Variants in YWHAG observed in about 807,000 individuals in gnomAD.
YWHAG encodes the protein 14-3-3 protein gamma.
In YWHAG, 1 loss-of-function variant was observed where a neutral mutation model predicts 23.3. The observed-to-expected ratio is 0.04, with a 90% CI of 0.02 to 0.20. The LOEUF is 0.20. YWHAG is among the 10% of genes least tolerant of loss of function. The probability of loss-of-function intolerance (pLI) is 1.00; values close to 1 mark genes in which losing one functional copy is unlikely to be tolerated. For synonymous variants in YWHAG, 160 were observed against 144.0 expected (o/e 1.11, Z -0.80); for missense variants, 151 against 338.6 (o/e 0.45, Z 4.35).
At chr7:76,358,671 C>T (rs1477659214) in intron 1 of YWHAG, 51 bp downstream of exon 1, 2 of 1,518,168 alleles carry the variant, frequency 1.3e-6, no homozygotes, top group African/African-American at 2.8e-5. Flanking sequence ...ACGCCAAGGA[C>T]CGCGTCTTCG....
At position 76,358,825 on chromosome 7, in the gene YWHAG, C is replaced by T. The variant is rs375529222; in HGVS notation, c.-17G>A. 39 of 1,585,552 alleles carry T rather than the reference C, an allele frequency of 2.5e-5. No homozygotes were observed. The highest frequency in any genetic ancestry group is 3.3e-5 in the Non-Finnish European group (38 of 1,167,254). ...GTCCACCATCTTCGCGGGGCTGGGT[C>T]TGGCCGGAGAAGGAGGAGGACACTG... On this transcript the variant is annotated 5_prime_UTR_variant, in exon 1 of 2. Transcript: ENST00000307630.
At chr7:76,357,951 T>A (rs1421445629) in intron 1 of YWHAG, among the ~76,000 whole-genome samples, 2 of 152,188 alleles carry the variant, frequency 1.3e-5, no homozygotes, top group Non-Finnish European at 2.9e-5. Flanking sequence ...CCTTTTAATT[T>A]TACAGGCAAT....
intron 1 of YWHAG, among the ~76,000 whole-genome samples, chr7:76,343,086 A>C (rs565373771): frequency 6.6e-6 from 1 of 152,276 alleles, no homozygotes; most frequent in South Asian, 2.1e-4. Context: ...GCAGTGAGCC[A>C]AGATTGCACC....
intron 1 of YWHAG, among the ~76,000 whole-genome samples, chr7:76,356,843 C>T (rs80155459): frequency 0.027 from 4,094 of 152,242 alleles, 176 homozygotes; most frequent in African/African-American, 0.094. Flanking sequence ...TGGACTAATT[C>T]TCATCTAGTG....
chr7:76,346,436 C>T (rs1803780369), intron 1 of YWHAG, among the ~76,000 whole-genome samples: 1 of 152,230 alleles, frequency 6.6e-6, no homozygotes, highest in Non-Finnish European at 1.5e-5. Context: ...AGCTGTTAGG[C>T]CAGCCTGGTT....
intron 1 of YWHAG, among the ~76,000 whole-genome samples, chr7:76,335,658 G>A (rs1803605357): frequency 6.6e-6 from 1 of 152,082 alleles, no homozygotes; most frequent in Admixed American, 6.6e-5. Flanking sequence ...ACCTTACATT[G>A]TAATGGTAGG....
chr7:76,358,527 G>T (rs1263573975), intron 1 of YWHAG, among the ~76,000 whole-genome samples, 195 bp downstream of exon 1: 1 of 152,180 alleles, frequency 6.6e-6, no homozygotes, highest in African/African-American at 2.4e-5. Flanking sequence ...GCGGGGCCAC[G>T]GGGACTCCGA....
At position 76,329,489 on chromosome 7, in the gene YWHAG, T is replaced by TTCCACCCCCC; in HGVS notation, c.*87_*88insGGGGGGTGGA. On this transcript the variant is annotated 3_prime_UTR_variant, in exon 2 of 2. Coordinates refer to ENST00000307630, the MANE Select transcript of YWHAG (RefSeq NM_012479.4). This position sits in a 1 kb window ranked among gnomAD's most constrained non-coding sequence, Gnocchi z 6.1. ...TCCCTGGGAAGGTCATCCCTCCCTT[T>TTCCACCCCCC]CCCTCCCCCACCCGACCCCCAACTC... 1 of 1,024,228 alleles carries TTCCACCCCCC rather than the reference T, an allele frequency of 9.8e-7. No homozygotes were observed. The highest frequency in any genetic ancestry group is 1.4e-6 in the Non-Finnish European group (1 of 740,082). The allele number at this position is 1,024,228 out of a possible 1,614,324, so 63.4% of individuals were successfully genotyped here.
intron 1 of YWHAG, among the ~76,000 whole-genome samples, chr7:76,336,451 CT>C (rs35137930): frequency 0.29 from 33,644 of 116,590 alleles, 4,206 homozygotes; most frequent in African/African-American, 0.37. Context: ...GAAAGTCTGG[CT>C]TTTTTTTTTT....
In YWHAG at chr7:76,327,389, GGA is replaced by G. The variant is rs1348590128; in HGVS notation, c.*2186_*2187del. 4.1e-4 allele frequency: 62 copies of G among 152,282 alleles called. No individual in the cohort carries two copies. The highest frequency in any genetic ancestry group is 1.3e-3 in the African/African-American group (55 of 41,486). The allele number at this position is 152,282 out of a possible 1,614,324, so 9.4% of individuals were successfully genotyped here. On this transcript the variant is annotated 3_prime_UTR_variant, in exon 2 of 2. Coordinates refer to ENST00000307630, the MANE Select transcript of YWHAG (RefSeq NM_012479.4). ...GTAATGGAGGAGTAATCATTTCACT[GGA>G]GAGACAGTATCATAGGCAAGTGCAT...
At position 76,329,508 on chromosome 7, in the gene YWHAG, C is replaced by CCCCCA; in HGVS notation, c.*68_*69insTGGGG. The stretch of plus-strand genomic sequence containing the variant: ...TCCCTTTCCCTCCCCCACCCGACCC[C>CCCCCA]CAACTCATGGGAAAAAAATAAAGAC... On this transcript the variant is annotated 3_prime_UTR_variant, in exon 2 of 2. Coordinates refer to ENST00000307630, the MANE Select transcript of YWHAG (RefSeq NM_012479.4). The surrounding 1 kb of genome is among the most constrained non-coding windows in gnomAD (Gnocchi z 6.1). The CCCCCA allele has an allele frequency of 7.0e-7, 1 of 1,418,598 alleles. No homozygotes were observed. Among genetic ancestry groups the CCCCCA allele is most frequent in the Non-Finnish European group, 9.4e-7 (1 of 1,067,682 alleles). The allele number at this position is 1,418,598 out of a possible 1,614,324, so 87.9% of individuals were successfully genotyped here.
chr7:76,333,963 T>C (rs1196328172), intron 1 of YWHAG, among the ~76,000 whole-genome samples: 1 of 152,230 alleles, frequency 6.6e-6, no homozygotes, highest in Non-Finnish European at 1.5e-5. Context: ...AGAGAGGCAA[T>C]CTGTACTTAT....
At chr7:76,346,042 A>C (rs1803775112) in intron 1 of YWHAG, among the ~76,000 whole-genome samples, 1 of 152,190 alleles carries the variant, frequency 6.6e-6, no homozygotes, top group Non-Finnish European at 1.5e-5. Context: ...AAGGTTCTGG[A>C]ATTAAGTCTA....
chr7:76,327,013 T>C lies in YWHAG; in HGVS notation c.*2564A>G, dbSNP rs978383872. On this transcript the variant is annotated 3_prime_UTR_variant, in exon 2 of 2. Transcript: ENST00000307630. ...ACAAAGGCTCATTCAGAGAACATATTTGTTGTTCTCCAACACTGTAATAGT... is the reference window on the plus strand; with the variant it reads ...ACAAAGGCTCATTCAGAGAACATATCTGTTGTTCTCCAACACTGTAATAGT... 3 of 152,676 alleles carry C rather than the reference T, an allele frequency of 2.0e-5. No individual in the cohort carries two copies. Among genetic ancestry groups the C allele is most frequent in the African/African-American group, 7.2e-5 (3 of 41,454 alleles). The allele number at this position is 152,676 out of a possible 1,614,324, so 9.5% of individuals were successfully genotyped here. A position where few individuals can be genotyped will look rare whatever the true frequency, so the allele number is the denominator to read the frequency against.
intron 1 of YWHAG, among the ~76,000 whole-genome samples, chr7:76,354,322 C>T (rs527820687): frequency 3.3e-5 from 5 of 152,034 alleles, no homozygotes; most frequent in Admixed American, 2.6e-4. Flanking sequence ...CTCAGCCTGG[C>T]CAACATGGTG....
chr7:76,347,446 A>C (rs998821349), intron 1 of YWHAG, among the ~76,000 whole-genome samples: 5 of 152,086 alleles, frequency 3.3e-5, no homozygotes, highest in African/African-American at 9.7e-5. Flanking sequence ...AAAATACAAA[A>C]AAATTAGCTG....
intron 1 of YWHAG, among the ~76,000 whole-genome samples, chr7:76,340,857 G>GA (rs1803682177): frequency 6.6e-6 from 1 of 152,178 alleles, no homozygotes; most frequent in African/African-American, 2.4e-5. Flanking sequence ...ATACACAAGA[G>GA]AAATAAAAAC....
intron 1 of YWHAG, among the ~76,000 whole-genome samples, chr7:76,352,459 C>T (rs1436051844): frequency 1.3e-5 from 2 of 152,102 alleles, no homozygotes; most frequent in African/African-American, 2.4e-5. Context: ...ACTCCCAACT[C>T]GGACACCCCT....
At chr7:76,352,406 T>C (rs1384248405) in intron 1 of YWHAG, among the ~76,000 whole-genome samples, 1 of 152,126 alleles carries the variant, frequency 6.6e-6, no homozygotes, top group Non-Finnish European at 1.5e-5. Flanking sequence ...CCTCTTCAGC[T>C]ACTGTCATTA....
Sources: gnomAD v4.1 joint callset for allele counts (sites outside exome capture counted in the v4.1 genomes callset) on GRCh38, gnomAD v4.1.1 for gene constraint, Gnocchi (gnomAD v3.1) non-coding constraint, MANE v1.5 for transcripts, NCBI Gene and HGNC (gene_info 2026-07-23, HGNC 2026-07-21) for gene names.